AFF3: variants seen among roughly 807,000 people sequenced by gnomAD.
AFF3 encodes AF4/FMR2 family member 3.
Under a neutral mutation model 129.7 loss-of-function variants are expected in AFF3, and 32 were observed. The observed-to-expected ratio is 0.25, with a 90% CI of 0.19 to 0.33. The LOEUF (loss-of-function observed/expected upper bound fraction) is 0.33, where lower values mean the gene tolerates loss of function less well. Among genes scored for constraint, AFF3 ranks in the 10% least tolerant of loss-of-function variants. The probability of loss-of-function intolerance (pLI) is 1.00; values close to 1 mark genes in which losing one functional copy is unlikely to be tolerated. For missense variants in AFF3, 1,373 were observed against 1,592.0 expected (o/e 0.86, Z 2.34); for synonymous variants, 644 against 635.4 (o/e 1.01, Z -0.20).
intron 7 of AFF3, among the ~76,000 whole-genome samples, chr2:99,943,846 C>G (rs756617695): frequency 5.7e-4 from 87 of 152,108 alleles, no homozygotes; most frequent in Non-Finnish European, 9.6e-4. Flanking sequence ...TTGCATGTTT[C>G]TCTCAGATGA....
chr2:99,768,912 C>T (rs1683238896), intron 8 of AFF3, among the ~76,000 whole-genome samples: 1 of 152,098 alleles, frequency 6.6e-6, no homozygotes, highest in Non-Finnish European at 1.5e-5. Flanking sequence ...TCTCTTGTTG[C>T]TTTTAGGATT....
intron 11 of AFF3, among the ~76,000 whole-genome samples, chr2:99,704,567 G>C (rs1677181504): frequency 6.6e-6 from 1 of 152,188 alleles, no homozygotes; most frequent in African/African-American, 2.4e-5. Flanking sequence ...AAGAGAGACA[G>C]ATCCCTTAGG....
chr2:99,938,365 A>G (rs571348014), intron 7 of AFF3, among the ~76,000 whole-genome samples: 1 of 152,270 alleles, frequency 6.6e-6, no homozygotes, highest in African/African-American at 2.4e-5. Context: ...TGTACCTGAC[A>G]TGGTTGTGGT....
At chr2:99,809,244 A>G (rs895945781) in intron 8 of AFF3, among the ~76,000 whole-genome samples, 2 of 152,238 alleles carry the variant, frequency 1.3e-5, no homozygotes, top group Admixed American at 1.3e-4. Flanking sequence ...TCAATAGAAA[A>G]GGAAAGTGAC....
intron 7 of AFF3, among the ~76,000 whole-genome samples, chr2:99,868,549 C>T (rs2105949303): frequency 6.6e-6 from 1 of 152,164 alleles, no homozygotes; most frequent in Non-Finnish European, 1.5e-5. Context: ...GGTCTGGGTG[C>T]TTTAACATGG....
intron 1 of AFF3, among the ~76,000 whole-genome samples, chr2:100,130,820 A>AC (rs1402265147): frequency 6.6e-6 from 1 of 152,118 alleles, no homozygotes; most frequent in African/African-American, 2.4e-5. Context: ...CACTAGCAGT[A>AC]CCACAGGCTT....
intron 13 of AFF3, among the ~76,000 whole-genome samples, chr2:99,635,409 C>G (rs1352953432): frequency 1.3e-5 from 2 of 152,062 alleles, no homozygotes; most frequent in Non-Finnish European, 2.9e-5. Flanking sequence ...GCAATCTTTC[C>G]ACTTCAGCCT....
chr2:99,559,291 G>T (rs113512067), intron 21 of AFF3, among the ~76,000 whole-genome samples: 7 of 151,130 alleles, frequency 4.6e-5, no homozygotes, highest in African/African-American at 1.4e-4. Flanking sequence ...CGAGAGGCGC[G>T]AGGTAGCTCT....
chr2:99,988,196 G>A (rs973987162), intron 7 of AFF3, among the ~76,000 whole-genome samples: 2 of 152,186 alleles, frequency 1.3e-5, no homozygotes, highest in African/African-American at 4.8e-5. Flanking sequence ...GAAGTGCTAT[G>A]AAGGAACATA....
intron 12 of AFF3, among the ~76,000 whole-genome samples, chr2:99,655,321 C>A (rs1232939282): frequency 6.6e-6 from 1 of 151,056 alleles, no homozygotes; most frequent in East Asian, 1.9e-4. Context: ...CTGAAACCAA[C>A]TAATGAAGGA....
chr2:99,979,347 A>G (rs1469142025), intron 7 of AFF3, among the ~76,000 whole-genome samples: 1 of 152,206 alleles, frequency 6.6e-6, no homozygotes, highest in East Asian at 1.9e-4. Context: ...AGGCTGATCC[A>G]AAGCTCAGAA....
At chr2:99,573,629 T>G (rs1676710892) in intron 18 of AFF3, among the ~76,000 whole-genome samples, 2 of 152,232 alleles carry the variant, frequency 1.3e-5, no homozygotes, top group Non-Finnish European at 2.9e-5. Flanking sequence ...GCTCTGAGAC[T>G]GCTGTGCAAG....
chr2:99,985,963 G>T (rs949066505), intron 7 of AFF3, among the ~76,000 whole-genome samples: 1 of 152,092 alleles, frequency 6.6e-6, no homozygotes, highest in Non-Finnish European at 1.5e-5. Context: ...CACTTTGGGA[G>T]GCCGAGGTGG....
intron 4 of AFF3, among the ~76,000 whole-genome samples, chr2:100,068,645 T>G (rs1181316229): frequency 6.6e-6 from 1 of 152,122 alleles, no homozygotes; most frequent in African/African-American, 2.4e-5. Context: ...AGAGCAGAGC[T>G]TGCTAATAAT....
intron 11 of AFF3, among the ~76,000 whole-genome samples, chr2:99,676,566 C>T (rs774878391): frequency 6.6e-6 from 1 of 152,204 alleles, no homozygotes; most frequent in Non-Finnish European, 1.5e-5. Flanking sequence ...CCAATCAATG[C>T]TCATTTTTAT....
At chr2:99,996,478 C>T (rs1019940508) in intron 7 of AFF3, among the ~76,000 whole-genome samples, 3 of 150,438 alleles carry the variant, frequency 2.0e-5, no homozygotes, top group Non-Finnish European at 2.9e-5. Context: ...GGCGCCATCT[C>T]GGCTCATGAG....
chr2:99,708,260 C>G (rs1203078116), intron 11 of AFF3, among the ~76,000 whole-genome samples: 1 of 152,162 alleles, frequency 6.6e-6, no homozygotes, highest in Non-Finnish European at 1.5e-5. Context: ...ACAAAGGCAT[C>G]CATTTACAAC....
chr2:99,600,090 G>A (rs1409385208), intron 14 of AFF3, among the ~76,000 whole-genome samples: 1 of 152,154 alleles, frequency 6.6e-6, no homozygotes, highest in Admixed American at 6.5e-5. Flanking sequence ...TTACCATAAG[G>A]CTTTCATAGG....
intron 2 of AFF3, chr2:100,110,103 A>C (rs1230202858): frequency 6.6e-6 from 1 of 152,200 alleles, no homozygotes; most frequent in Non-Finnish European, 1.5e-5. Context: ...CCTTTGCAAC[A>C]TGAGAAGGCT....
Sources: gnomAD v4.1 joint callset for allele counts (sites outside exome capture counted in the v4.1 genomes callset) on GRCh38, gnomAD v4.1.1 for gene constraint, MANE v1.5 for transcripts, NCBI Gene and HGNC (gene_info 2026-07-23, HGNC 2026-07-21) for gene names.